Variants in NIBAN2 observed in about 807,000 individuals in gnomAD.
NIBAN2 encodes the protein protein Niban 2.
A neutral mutation model predicts 81.8 loss-of-function variants in NIBAN2; 36 were observed. That is an observed-to-expected ratio of 0.44 (90% CI 0.34 to 0.58). The LOEUF (loss-of-function observed/expected upper bound fraction) is 0.58, where lower values mean the gene tolerates loss of function less well. Among genes scored for constraint, NIBAN2 ranks in the 20% least tolerant of loss-of-function variants. The pLI is 0.02. For missense variants in NIBAN2, 897 were observed against 1,014.1 expected, an observed-to-expected ratio of 0.88 and a Z score of 1.57; for synonymous variants, 445 against 441.6, an observed-to-expected ratio of 1.01 and a Z score of -0.10.
chr9:127,560,988 C>T (rs781250166), intron 1 of NIBAN2, among the ~76,000 whole-genome samples: 10 of 152,194 alleles, frequency 6.6e-5, no homozygotes, highest in African/African-American at 1.2e-4. Context: ...CAGAGTCACA[C>T]AGCAAGTGGT....
chr9:127,557,487 CG>C (rs1837693513), intron 1 of NIBAN2, among the ~76,000 whole-genome samples: 2 of 140,148 alleles, frequency 1.4e-5, no homozygotes. Flanking sequence ...GGAGGGAGGG[CG>C]GGGGCTCAGC....
chr9:127,578,840 G>A, intron 1 of NIBAN2: 1 of 1,381,658 alleles, frequency 7.2e-7, no homozygotes, highest in Middle Eastern at 1.8e-4. Context: ...CTGAGTGACA[G>A]AGCAAAACCT....
chr9:127,557,896 C>G (rs1452951122), intron 1 of NIBAN2, among the ~76,000 whole-genome samples: 2 of 152,184 alleles, frequency 1.3e-5, no homozygotes, highest in African/African-American at 2.4e-5. Context: ...GTGACCTCCA[C>G]TCTAGAGATG....
chr9:127,524,645 A>G (rs1837026799), intron 4 of NIBAN2, among the ~76,000 whole-genome samples: 1 of 152,182 alleles, frequency 6.6e-6, no homozygotes, highest in African/African-American at 2.4e-5. Context: ...CCACAGAATG[A>G]AGGCATGACT....
chr9:127,564,914 T>C lies in NIBAN2; in HGVS notation c.55+3906A>G, dbSNP rs149254056. ...TATAAACCAAGCTATTATGAGCATG[T>C]ACAGAGAGAGGTAGGTTTGGAAATG... On this transcript the variant is annotated intron_variant, in intron 1 of 13. Coordinates refer to ENST00000373312, the MANE Select transcript of NIBAN2 (RefSeq NM_022833.4). Among the ~76,000 whole-genome samples the C allele has an allele frequency of 2.6e-5, 4 of 152,082 alleles. No individual in the cohort carries two copies. In the East Asian group the frequency reaches 7.7e-4, roughly 29 times the overall value.
rs544648831 is a variant in NIBAN2 at position 127,525,124 on chromosome 9, T to C, written c.355A>G (p.Ser119Gly). ...RQVPPRAVIN[S>G]AGYKILTSVD... is the part of the protein sequence containing the mutation. ...GACGTGAGGATTTTGTAGCCTGCAC[T>C]GTTGATGACGGCTCGTGGTGGGACC... The change falls in exon 4 of 14, where the codon AGT (serine) becomes GGT (glycine). Residue 119 changes from serine to glycine, a missense_variant. Transcript: ENST00000373312. The C allele has an allele frequency of 1.4e-5, 22 of 1,614,156 alleles. No individual in the cohort carries two copies. In the East Asian group the frequency reaches 4.7e-4, roughly 34 times the overall value.
rs1285407579 is a variant in NIBAN2, at chr9:127,563,499, AG to A, written c.55+5320del. ...CCATCCCTTCACTCTTGGCATCTAC[AG>A]CCACTTCCCAAATGTTGAGAGGTAG... On this transcript the variant is annotated intron_variant, in intron 1 of 13. Transcript: ENST00000373312. This position sits in a 1 kb window ranked among gnomAD's most constrained non-coding sequence, Gnocchi z 4.1. Among the ~76,000 whole-genome samples the A allele has an allele frequency of 6.6e-6, 1 of 151,664 alleles. No homozygotes were observed. Among genetic ancestry groups the A allele is most frequent in the Non-Finnish European group, 1.5e-5 (1 of 67,948 alleles).
At position 127,523,767 on chromosome 9, in the gene NIBAN2, C is replaced by T. The variant is rs138717741; in HGVS notation, c.501G>A (p.Ala167=). The T allele has an allele frequency of 6.3e-3, 10,148 of 1,613,980 alleles. 159 individuals carry two copies. Among genetic ancestry groups the T allele is most frequent in the Non-Finnish European group, 5.6e-3 (6,596 of 1,179,966 alleles). Residue 167 remains alanine, a synonymous_variant, in exon 5 of 14, where the codon GCG becomes GCA. Coordinates refer to ENST00000373312, the MANE Select transcript of NIBAN2 (RefSeq NM_022833.4). Reference sequence around the variant, plus strand: ...TCATCATGCAGAAGTAGTAGTGACGCGCATAAGGATGCCAGAGGATGAGCG... The same window carrying T: ...TCATCATGCAGAAGTAGTAGTGACGTGCATAAGGATGCCAGAGGATGAGCG... ...QFPLILWHPY[A]RHYYFCMMTE...
intron 1 of NIBAN2, among the ~76,000 whole-genome samples, chr9:127,576,114 G>T (rs570618959): frequency 6.6e-6 from 1 of 152,160 alleles, no homozygotes; most frequent in Non-Finnish European, 1.5e-5. Flanking sequence ...AGCGTCAGTC[G>T]CAATGGGAGC....
chr9:127,510,961 T>C (rs1056063478), intron 8 of NIBAN2, among the ~76,000 whole-genome samples: 3 of 152,300 alleles, frequency 2.0e-5, no homozygotes, highest in South Asian at 4.2e-4. Flanking sequence ...TTGGGTAGGA[T>C]TGATCTCATC....
In NIBAN2 at chr9:127,507,527, TTG is replaced by T. The variant is rs1491160234; in HGVS notation, c.1655-98_1655-97del. ...CAAAGAAGACCCGTCTCATCCCGCC[TTG>T]GGGGTCTGTGGTTGGGATGTGACTC... On this transcript the variant is annotated intron_variant, in intron 13 of 13. Transcript: ENST00000373312. The surrounding 1 kb of genome is among the most constrained non-coding windows in gnomAD (Gnocchi z 6.8). The T allele has an allele frequency of 6.2e-6, 7 of 1,123,598 alleles. No homozygotes were observed. Among genetic ancestry groups the T allele is most frequent in the Non-Finnish European group, 5.0e-6 (4 of 806,962 alleles). 69.6% of individuals were successfully genotyped at this position (1,123,598 alleles called of 1,614,324 possible).
intron 1 of NIBAN2, among the ~76,000 whole-genome samples, chr9:127,535,507 G>A (rs757282090): frequency 1.3e-5 from 2 of 152,174 alleles, no homozygotes; most frequent in African/African-American, 2.4e-5. Flanking sequence ...AGACATGGGA[G>A]TGCAGGGACC....
intron 1 of NIBAN2, among the ~76,000 whole-genome samples, chr9:127,564,102 G>A (rs540248295): frequency 6.6e-6 from 1 of 152,046 alleles, no homozygotes. Flanking sequence ...AGACCAACTT[G>A]ACCAATATGG....
intron 1 of NIBAN2, among the ~76,000 whole-genome samples, chr9:127,555,669 G>A (rs1374693527): frequency 6.6e-6 from 1 of 152,226 alleles, no homozygotes; most frequent in Non-Finnish European, 1.5e-5. Context: ...CCAGAGCTGA[G>A]CCTGCTCCCT....
At chr9:127,548,034 G>C (rs1192790637) in intron 1 of NIBAN2, among the ~76,000 whole-genome samples, 1 of 152,112 alleles carries the variant, frequency 6.6e-6, no homozygotes, top group Non-Finnish European at 1.5e-5. Context: ...AAATGGTCAG[G>C]GTGCCCAGTG....
Position 127,508,877 on chromosome 9 carries a change from A to T in NIBAN2, c.1317+99T>A. On this transcript the variant is annotated intron_variant, in intron 10 of 13. Coordinates refer to ENST00000373312, the MANE Select transcript of NIBAN2 (RefSeq NM_022833.4). The surrounding 1 kb of genome is among the most constrained non-coding windows in gnomAD (Gnocchi z 6.4). The stretch of plus-strand genomic sequence containing the variant: ...GAGAGCGTGCCAGGCAAGCGTGGCT[A>T]TGGCATGACGGGACGGAGCAGAAGG... 3.0e-6 allele frequency: 4 copies of T among 1,352,178 alleles called. No homozygotes were observed. The highest frequency in any genetic ancestry group is 4.2e-6 in the Non-Finnish European group (4 of 954,592). 83.8% of individuals were successfully genotyped at this position (1,352,178 alleles called of 1,614,324 possible).
chr9:127,564,757 C>T (rs1316994603), intron 1 of NIBAN2, among the ~76,000 whole-genome samples: 10 of 151,706 alleles, frequency 6.6e-5, no homozygotes, highest in Non-Finnish European at 1.0e-4. Flanking sequence ...CCTGTAATCC[C>T]AGCTACTCAG....
intron 1 of NIBAN2, among the ~76,000 whole-genome samples, chr9:127,553,436 C>T (rs896619533): frequency 4.6e-5 from 7 of 152,214 alleles, no homozygotes; most frequent in Admixed American, 3.9e-4. Flanking sequence ...GACTGAACCC[C>T]GAGGACGGAA....
intron 1 of NIBAN2, among the ~76,000 whole-genome samples, chr9:127,543,239 C>T (rs771024548): frequency 2.6e-5 from 4 of 152,184 alleles, no homozygotes; most frequent in Non-Finnish European, 4.4e-5. Flanking sequence ...GTTAGGGAGC[C>T]CTCCTACCCC....
Sources: gnomAD v4.1 joint callset for allele counts (sites outside exome capture counted in the v4.1 genomes callset) on GRCh38, gnomAD v4.1.1 for gene constraint, Gnocchi (gnomAD v3.1) non-coding constraint, MANE v1.5 for transcripts, NCBI Gene and HGNC (gene_info 2026-07-23, HGNC 2026-07-21) for gene names.